Variants in TBL1XR1 observed in about 807,000 individuals in gnomAD.
TBL1XR1 encodes the protein TBL1X/Y related 1, also known as F-box-like/WD repeat-containing protein TBL1XR1.
TBL1XR1 carries 5 observed loss-of-function variants against 66.9 expected under a neutral mutation model. That is an observed-to-expected ratio of 0.07 (90% confidence interval 0.04 to 0.16). The LOEUF is 0.16. TBL1XR1 is among the 10% of genes least tolerant of loss of function. TBL1XR1 has a pLI of 1.00. For missense variants in TBL1XR1, 238 were observed against 623.2 expected (o/e 0.38, Z 6.58); for synonymous variants, 210 against 206.0 (o/e 1.02, Z -0.17).
chr3:177,182,306 C>T (rs1396520810), intron 1 of TBL1XR1, among the ~76,000 whole-genome samples: 1 of 152,070 alleles, frequency 6.6e-6, no homozygotes, highest in Non-Finnish European at 1.5e-5. Context: ...ACCACCTGAG[C>T]CCGGGGAGTT....
chr3:177,050,146 A>C lies in TBL1XR1; in HGVS notation c.561-8T>G. ...GCTGTTGAGTCTCCAGACCTATAAAAGTATGCAATATATTTTAGATCCTCA... is the reference window on the plus strand; with the variant it reads ...GCTGTTGAGTCTCCAGACCTATAAACGTATGCAATATATTTTAGATCCTCA... On this transcript the variant is annotated splice_polypyrimidine_tract_variant and splice_region_variant and intron_variant, in intron 6 of 15. Coordinates refer to ENST00000457928, the MANE Select transcript of TBL1XR1 (RefSeq NM_024665.7). 1 of 1,612,556 alleles carries C rather than the reference A, an allele frequency of 6.2e-7. No individual in the cohort carries two copies. Among genetic ancestry groups the C allele is most frequent in the Non-Finnish European group, 8.5e-7 (1 of 1,179,518 alleles).
At chr3:177,198,614 G>A (rs1007004998), upstream of TBL1XR1, among the ~76,000 whole-genome samples, 1 of 152,170 alleles carries the variant, frequency 6.6e-6, no homozygotes, top group Non-Finnish European at 1.5e-5. Flanking sequence ...AGAAAGATGG[G>A]GTAGGGTGCT....
intron 1 of TBL1XR1, among the ~76,000 whole-genome samples, chr3:177,163,510 GAA>G (rs1242873420): frequency 7.4e-6 from 1 of 135,270 alleles, no homozygotes; most frequent in Non-Finnish European, 1.6e-5. Context: ...AACTCCGTCT[GAA>G]AAAAAAAAAA....
intron 1 of TBL1XR1, among the ~76,000 whole-genome samples, chr3:177,101,541 G>C (rs1303302176): frequency 1.3e-5 from 2 of 152,106 alleles, no homozygotes; most frequent in Admixed American, 6.5e-5. Flanking sequence ...GATGGGACTG[G>C]CCACTTTATA....
intron 1 of TBL1XR1, among the ~76,000 whole-genome samples, chr3:177,150,729 A>C (rs1730786888): frequency 6.6e-6 from 1 of 152,206 alleles, no homozygotes; most frequent in South Asian, 2.1e-4. Context: ...GCCTCTGTTT[A>C]GGTGCCATGC....
Position 177,197,157 on chromosome 3 carries a change from C to G in TBL1XR1, c.-158G>C, listed in dbSNP as rs540033698. ...GGCCTCCAACGCCGCTCCCCCCTCCCGGGAATGGAGGCACAAGGAAATTCC... is the reference window on the plus strand; with the variant it reads ...GGCCTCCAACGCCGCTCCCCCCTCCGGGGAATGGAGGCACAAGGAAATTCC... On this transcript the variant is annotated 5_prime_UTR_variant, in exon 1 of 16. Transcript: ENST00000457928. 3.9e-5 allele frequency: 6 copies of G among 153,428 alleles called. No homozygotes were observed. The highest frequency in any genetic ancestry group is 1.2e-4 in the African/African-American group (5 of 41,522). The allele number at this position is 153,428 out of a possible 1,614,324, so 9.5% of individuals were successfully genotyped here.
At chr3:177,087,705 TA>T (rs1038772353) in intron 2 of TBL1XR1, among the ~76,000 whole-genome samples, 4 of 146,278 alleles carry the variant, frequency 2.7e-5, no homozygotes, top group Non-Finnish European at 4.5e-5. Flanking sequence ...TTTTTTTTTT[TA>T]AATCATGCAA....
At chr3:177,129,709 A>G (rs67562114) in intron 1 of TBL1XR1, among the ~76,000 whole-genome samples, 63,732 of 151,978 alleles carry the variant, frequency 0.42, 13,556 homozygotes, top group Middle Eastern at 0.47. Flanking sequence ...TTAAAAAAAA[A>G]GTACAAGATA....
At chr3:177,152,992 C>T (rs1560234666) in intron 1 of TBL1XR1, among the ~76,000 whole-genome samples, 2 of 151,954 alleles carry the variant, frequency 1.3e-5, no homozygotes, top group Admixed American at 6.6e-5. Flanking sequence ...AATAAAAAAA[C>T]TAGCTGGGCG....
At chr3:177,073,580 AT>A (rs1291586855) in intron 2 of TBL1XR1, among the ~76,000 whole-genome samples, 5 of 152,166 alleles carry the variant, frequency 3.3e-5, no homozygotes, top group Non-Finnish European at 7.4e-5. Context: ...TTTTACTTAA[AT>A]TTAGTTTTTC....
At chr3:177,144,900 T>G (rs914887958) in intron 1 of TBL1XR1, among the ~76,000 whole-genome samples, 1 of 152,222 alleles carries the variant, frequency 6.6e-6, no homozygotes, top group African/African-American at 2.4e-5. Context: ...TCTTTTTTGA[T>G]CTTCTTTATT....
At chr3:177,119,801 T>C (rs13099399) in intron 1 of TBL1XR1, among the ~76,000 whole-genome samples, 84,330 of 152,046 alleles carry the variant, frequency 0.55, 23,733 homozygotes, top group Middle Eastern at 0.63. Context: ...GAATCCTTGG[T>C]CCTGTGTATT....
chr3:177,098,406 CAAAAGATTCTAAAAACAAGA>C, intron 2 of TBL1XR1, 40 bp downstream of exon 2: 1 of 935,538 alleles, frequency 1.1e-6, no homozygotes, highest in South Asian at 4.9e-5. Context: ...TCAAAATTCT[CAAAAGATTCTAAAAACAAGA>C]GAATAAGAAA....
intron 1 of TBL1XR1, among the ~76,000 whole-genome samples, chr3:177,158,330 G>A (rs1029009721): frequency 2.6e-5 from 4 of 150,980 alleles, no homozygotes; most frequent in Non-Finnish European, 4.4e-5. Context: ...CTGGGTTCAA[G>A]CCATTCTCCT....
chr3:177,198,202 G>A (rs902143980), upstream of TBL1XR1, among the ~76,000 whole-genome samples: 4 of 152,166 alleles, frequency 2.6e-5, no homozygotes, highest in African/African-American at 9.7e-5. Flanking sequence ...CCAGAGCACG[G>A]GATCTGGAGA....
intron 10 of TBL1XR1, among the ~76,000 whole-genome samples, chr3:177,041,360 G>C (rs1425193933): frequency 1.3e-5 from 2 of 152,124 alleles, no homozygotes; most frequent in African/African-American, 4.8e-5. Flanking sequence ...GAAAAACTTT[G>C]AGGTGCAAGC....
intron 1 of TBL1XR1, among the ~76,000 whole-genome samples, chr3:177,128,948 C>T (rs973438188): frequency 1.3e-5 from 2 of 152,132 alleles, no homozygotes; most frequent in Non-Finnish European, 2.9e-5. Context: ...TGCAGATTCT[C>T]GCAACACTCT....
chr3:177,053,437 T>C (rs1717376762), intron 4 of TBL1XR1, among the ~76,000 whole-genome samples: 1 of 152,196 alleles, frequency 6.6e-6, no homozygotes, highest in Non-Finnish European at 1.5e-5. Flanking sequence ...TGGTTTAAAT[T>C]TGGGTATATT....
chr3:177,163,161 C>T, intron 1 of TBL1XR1, among the ~76,000 whole-genome samples: 1 of 152,036 alleles, frequency 6.6e-6, no homozygotes, highest in Non-Finnish European at 1.5e-5. Flanking sequence ...AATGAAGGGA[C>T]CGGTTAAACT....
Sources: gnomAD v4.1 joint callset for allele counts (sites outside exome capture counted in the v4.1 genomes callset) on GRCh38, gnomAD v4.1.1 for gene constraint, MANE v1.5 for transcripts, NCBI Gene and HGNC (gene_info 2026-07-23, HGNC 2026-07-21) for gene names.